ISCA2: variants seen among roughly 807,000 people sequenced by gnomAD.
ISCA2 encodes the protein iron-sulfur cluster assembly 2.
ISCA2 carries 21 observed loss-of-function variants against 19.1 expected under a neutral mutation model. That is an observed-to-expected ratio of 1.10 (90% confidence interval 0.78 to 1.59). The LOEUF (loss-of-function observed/expected upper bound fraction) is 1.59. Ranked by LOEUF, ISCA2 falls within the 40% of genes most tolerant of loss-of-function variation. ISCA2 has a pLI of 0.00. For synonymous variants in ISCA2, 107 were observed against 83.8 expected (o/e 1.28, Z -1.51); for missense variants, 181 against 191.7 (o/e 0.94, Z 0.33).
rs553231402 is a variant in ISCA2 at position 74,493,961 on chromosome 14, G to A, written c.72-89G>A. On this transcript the variant is annotated intron_variant, in intron 1 of 3. Transcript: ENST00000556816. The surrounding 1 kb of genome is among the most constrained non-coding windows in gnomAD (Gnocchi z 4.1). Reference sequence around the variant, plus strand: ...TTTGGTGGGAGGCCGTCCAGGTGGGGGTCGCCAGGTTTAGCGTGAGGCGCT... The same window carrying A: ...TTTGGTGGGAGGCCGTCCAGGTGGGAGTCGCCAGGTTTAGCGTGAGGCGCT... 1.4e-6 allele frequency: 2 copies of A among 1,467,574 alleles called. No individual in the cohort carries two copies. The highest frequency in any genetic ancestry group is 2.1e-5 in the Admixed American group (1 of 48,536). The allele number at this position is 1,467,574 out of a possible 1,614,324, so 90.9% of individuals were successfully genotyped here. A position where few individuals can be genotyped will look rare whatever the true frequency, so the allele number is the denominator to read the frequency against.
At position 74,496,205 on chromosome 14, in the gene ISCA2, G is replaced by A. The variant is rs1166644506; in HGVS notation, c.*1205G>A. On this transcript the variant is annotated 3_prime_UTR_variant, in exon 4 of 4. Transcript: ENST00000556816. ...CTACAACCAAGTTGATTCTGGAAGA[G>A]TTACTGGTTAAATCCATCTTTTGCT... 6.6e-6 allele frequency: 1 copy of A among 152,178 alleles called. No homozygotes were observed. Among genetic ancestry groups the A allele is most frequent in the African/African-American group, 2.4e-5 (1 of 41,438 alleles). The allele number at this position is 152,178 out of a possible 1,614,324, so 9.4% of individuals were successfully genotyped here. A position where few individuals can be genotyped will look rare whatever the true frequency, so the allele number is the denominator to read the frequency against.
Position 74,494,909 on chromosome 14 carries a change from A to C in ISCA2, c.374A>C (p.Gln125Pro). 6.2e-7 allele frequency: 1 copy of C among 1,614,154 alleles called. No individual in the cohort carries two copies. The highest frequency in any genetic ancestry group is 8.5e-7 in the Non-Finnish European group (1 of 1,179,960). ...FVKGAQVDFS[Q>P]ELIRSSFQVL... ...AAAGGGGCCCAGGTGGACTTCAGCC[A>C]AGAACTGATCCGAAGCTCATTTCAA... The change falls in exon 4 of 4, where the codon CAA (glutamine) becomes CCA (proline). Residue 125 changes from glutamine (Q) to proline (P), a missense_variant. Physicochemically the swap from Gln to Pro is moderately conservative, Grantham distance 76. Transcript: ENST00000556816.
In ISCA2 at chr14:74,494,114, G is replaced by A. The variant is rs1254350754; in HGVS notation, c.136G>A (p.Gly46Ser). ...REASSSSPEA[G>S]EGQIRLTDSC... ...GGCGTCGTCCTCCAGCCCCGAGGCC[G>A]GCGAAGGGCAGATCCGCCTCACAGA... Residue 46 changes from glycine to serine, a missense_variant, in exon 2 of 4, where the codon GGC (glycine) becomes AGC (serine). By Grantham distance (56) the Gly-to-Ser change is moderately conservative (BLOSUM62 0). Coordinates refer to ENST00000556816, the MANE Select transcript of ISCA2 (RefSeq NM_194279.4). 6.3e-7 allele frequency: 1 copy of A among 1,578,782 alleles called. No homozygotes were observed.
At position 74,494,319 on chromosome 14, in the gene ISCA2, A is replaced by G. The variant is rs1455275122; in HGVS notation, c.219A>G (p.Gln73=). ...ITEGSEFLRL[Q]VEGGGCSGFQ... Reference sequence around the variant, plus strand: ...AAGGGTCAGAATTCCTCAGGCTGCAAGTGGAGGGAGGTGGATGCTCCGGAT... The same window carrying G: ...AAGGGTCAGAATTCCTCAGGCTGCAGGTGGAGGGAGGTGGATGCTCCGGAT... Residue 73 remains glutamine, a synonymous_variant, in exon 3 of 4, where the codon CAA becomes CAG. Transcript: ENST00000556816. 6.2e-7 allele frequency: 1 copy of G among 1,614,188 alleles called. No individual in the cohort carries two copies. Among genetic ancestry groups the G allele is most frequent in the East Asian group, 2.2e-5 (1 of 44,880 alleles).
Position 74,494,952 on chromosome 14 carries a change from A to G in ISCA2, c.417A>G (p.Gln139=), listed in dbSNP as rs1449241173. The G allele has an allele frequency of 3.1e-6, 5 of 1,613,608 alleles. No homozygotes were observed. The Admixed American group carries it at 6.7e-5, about 22-fold the overall frequency. The change falls in exon 4 of 4, where the codon CAA becomes CAG. Residue 139 remains glutamine, a synonymous_variant. Coordinates refer to ENST00000556816, the MANE Select transcript of ISCA2 (RefSeq NM_194279.4). ...RSSFQVLNNP[Q]AQQGCSCGSS... is the part of the protein sequence containing the mutation. The stretch of plus-strand genomic sequence containing the variant: ...CATTTCAAGTGTTGAACAATCCTCA[A>G]GCACAGCAAGGCTGCTCCTGTGGGT...
intron 3 of ISCA2, 27 bp from the exon 4 acceptor site, chr14:74,494,799 C>G (rs1453755933): frequency 1.2e-6 from 2 of 1,610,294 alleles, no homozygotes; most frequent in Non-Finnish European, 1.7e-6. Context: ...TGCGATACTC[C>G]TTAATGCCTT....
At position 74,495,094 on chromosome 14, in the gene ISCA2, C is replaced by A; in HGVS notation, c.*94C>A. ...TCTAGAAGTTTACTTCTAATCATGT[C>A]CCTCTCAATTTTATTTCCCGCAGTC... On this transcript the variant is annotated 3_prime_UTR_variant, in exon 4 of 4. Transcript: ENST00000556816. 1 of 912,736 alleles carries A rather than the reference C, an allele frequency of 1.1e-6. No individual in the cohort carries two copies. Among genetic ancestry groups the A allele is most frequent in the Non-Finnish European group, 1.7e-6 (1 of 589,108 alleles). 56.5% of individuals were successfully genotyped at this position (912,736 alleles called of 1,614,324 possible).
rs1165249976 is a variant in ISCA2, at chr14:74,494,312, G to A, written c.212G>A (p.Arg71Lys). The A allele has an allele frequency of 6.2e-7, 1 of 1,614,210 alleles. No homozygotes were observed. The highest frequency in any genetic ancestry group is 8.5e-7 in the Non-Finnish European group (1 of 1,180,020). The change falls in exon 3 of 4, where the codon AGG (arginine) becomes AAG (lysine). Residue 71 changes from arginine (R) to lysine (K), a missense_variant. Arg to Lys is a conservative substitution (Grantham distance 26). Transcript: ENST00000556816. ...ATCACCGAAGGGTCAGAATTCCTCA[G>A]GCTGCAAGTGGAGGGAGGTGGATGC... ...LEITEGSEFL[R>K]LQVEGGGCSG...
At chr14:74,494,544 T>C (rs552965946) in intron 3 of ISCA2, 154 bp downstream of exon 3, 263 of 657,862 alleles carry the variant, frequency 4.0e-4, no homozygotes, top group Non-Finnish European at 4.7e-4. Context: ...TTTGTTGTTC[T>C]GAATCAAAGT....
chr14:74,494,449 T>C, intron 3 of ISCA2, 59 bp downstream of exon 3: 1 of 1,219,410 alleles, frequency 8.2e-7, no homozygotes. Context: ...GTGTCTCCAG[T>C]TTAAGGTGCA....
intron 3 of ISCA2, 54 bp from the exon 4 acceptor site, chr14:74,494,772 G>C: frequency 1.3e-6 from 2 of 1,505,654 alleles, no homozygotes; most frequent in South Asian, 2.3e-5. Context: ...GGGCTCAGGG[G>C]GTGTCTTTTT....
chr14:74,493,921 TGGGGGATGCGA>T lies in ISCA2; in HGVS notation c.71+80_71+90del, dbSNP rs995158150. 1 of 1,483,472 alleles carries T rather than the reference TGGGGGATGCGA, an allele frequency of 6.7e-7. No individual in the cohort carries two copies. The highest frequency in any genetic ancestry group is 9.2e-7 in the Non-Finnish European group (1 of 1,088,036). 91.9% of individuals were successfully genotyped at this position (1,483,472 alleles called of 1,614,324 possible). ...AGGACAAATGGGAAACTAAGGCCTG[TGGGGGATGCGA>T]GGGTTTGGTGGGAGGCCGTCCAGGT... On this transcript the variant is annotated intron_variant, in intron 1 of 3. Transcript: ENST00000556816. The surrounding 1 kb of genome is among the most constrained non-coding windows in gnomAD (Gnocchi z 4.1).
In ISCA2 at chr14:74,494,368, ACAGTTAT is replaced by A. The variant is rs765479601; in HGVS notation, c.271_277del (p.Val91ThrfsTer24). 6.2e-7 allele frequency: 1 copy of A among 1,613,912 alleles called. No homozygotes were observed. Among genetic ancestry groups the A allele is most frequent in the Non-Finnish European group, 8.5e-7 (1 of 1,179,756 alleles). On this transcript the variant is annotated frameshift_variant, in exon 3 of 4. Coordinates refer to ENST00000556816, the MANE Select transcript of ISCA2 (RefSeq NM_194279.4). LOFTEE classifies it high-confidence loss of function. Reference sequence around the variant, plus strand: ...ATTCCAATACAAATTTTCACTGGATACAGTTATCAACCCCGACGACAGGCAAGGAGGA... The same window carrying A: ...ATTCCAATACAAATTTTCACTGGATACAACCCCGACGACAGGCAAGGAGGA...
chr14:74,493,779 C>A lies in ISCA2; in HGVS notation c.5C>A (p.Ala2Asp), dbSNP rs777458795. 13 of 1,521,850 alleles carry A rather than the reference C, an allele frequency of 8.5e-6. No individual in the cohort carries two copies. Among genetic ancestry groups the A allele is most frequent in the Admixed American group, 2.5e-5 (1 of 39,522 alleles). 94.3% of individuals were successfully genotyped at this position (1,521,850 alleles called of 1,614,324 possible). ...GGGCGGAGCTTGTGGAGGAAGATGG[C>A]TGCCGCCTGGGGGTCGTCCCTAACG... M[A>D]AAWGSSLTAA... The change falls in exon 1 of 4, where the codon GCT (alanine) becomes GAT (aspartate). Residue 2 changes from alanine to aspartate, a missense_variant. Ala to Asp is a moderately radical substitution (Grantham distance 126). Transcript: ENST00000556816. This position sits in a 1 kb window ranked among gnomAD's most constrained non-coding sequence, Gnocchi z 4.1.
chr14:74,494,553 G>A (rs1257159575), intron 3 of ISCA2, 163 bp downstream of exon 3: 1 of 652,396 alleles, frequency 1.5e-6, no homozygotes, highest in Non-Finnish European at 2.6e-6. Context: ...CTGAATCAAA[G>A]TAACTAAGTT....
chr14:74,494,186 G>A (rs2086817578), intron 2 of ISCA2, 34 bp downstream of exon 2: 8 of 1,586,796 alleles, frequency 5.0e-6, no homozygotes, highest in Non-Finnish European at 6.9e-6. Context: ...CGGTACCCAG[G>A]CGATTGGCGG....
chr14:74,495,231 A>G lies in ISCA2; in HGVS notation c.*231A>G, dbSNP rs1187170603. Reference sequence around the variant, plus strand: ...CTGAGCCTCCAGATGCTGTTACCTCAGATTTAATCACTGGTTGAAACTCCG... The same window carrying G: ...CTGAGCCTCCAGATGCTGTTACCTCGGATTTAATCACTGGTTGAAACTCCG... On this transcript the variant is annotated 3_prime_UTR_variant, in exon 4 of 4. Transcript: ENST00000556816. The G allele has an allele frequency of 3.7e-5, 17 of 464,626 alleles. No homozygotes were observed. Among genetic ancestry groups the G allele is most frequent in the Non-Finnish European group, 6.1e-5 (16 of 262,562 alleles). 28.8% of individuals were successfully genotyped at this position (464,626 alleles called of 1,614,324 possible).
At position 74,494,128 on chromosome 14, in the gene ISCA2, C is replaced by A; in HGVS notation, c.150C>A (p.Ile50=). 6.3e-7 allele frequency: 1 copy of A among 1,585,206 alleles called. No individual in the cohort carries two copies. The highest frequency in any genetic ancestry group is 8.6e-7 in the Non-Finnish European group (1 of 1,166,984). ...SSSPEAGEGQ[I]RLTDSCVQRL... ...GCCCCGAGGCCGGCGAAGGGCAGATCCGCCTCACAGACAGTTGCGTCCAGG... is the reference window on the plus strand; with the variant it reads ...GCCCCGAGGCCGGCGAAGGGCAGATACGCCTCACAGACAGTTGCGTCCAGG... Residue 50 remains isoleucine, a synonymous_variant, in exon 2 of 4, where the codon ATC becomes ATA. Coordinates refer to ENST00000556816, the MANE Select transcript of ISCA2 (RefSeq NM_194279.4).
rs953124889 is a variant in ISCA2 at position 74,494,065 on chromosome 14, C to T, written c.87C>T (p.Ser29=). 7 of 1,546,110 alleles carry T rather than the reference C, an allele frequency of 4.5e-6. No individual in the cohort carries two copies. Among genetic ancestry groups the T allele is most frequent in the African/African-American group, 2.7e-5 (2 of 73,382 alleles). Residue 29 remains serine, a synonymous_variant, in exon 2 of 4, where the codon TCC becomes TCT. Coordinates refer to ENST00000556816, the MANE Select transcript of ISCA2 (RefSeq NM_194279.4). ...PWPRGRLLTA[S]LGPQARREAS... Reference sequence around the variant, plus strand: ...TTGCGCGCAGGCTCCTCACGGCCTCCCTGGGACCCCAGGCGCGTCGGGAGG... The same window carrying T: ...TTGCGCGCAGGCTCCTCACGGCCTCTCTGGGACCCCAGGCGCGTCGGGAGG...
Sources: gnomAD v4.1 joint callset for allele counts on GRCh38, gnomAD v4.1.1 for gene constraint, Gnocchi (gnomAD v3.1) non-coding constraint, MANE v1.5 for transcripts, NCBI Gene and HGNC (gene_info 2026-07-23, HGNC 2026-07-21) for gene names.